The following MAST4 variants were observed in gnomAD, a reference collection of about 807,000 sequenced individuals.
MAST4 encodes the protein microtubule-associated serine/threonine-protein kinase 4.
A neutral mutation model predicts 162.7 loss-of-function variants in MAST4; 89 were observed. The observed-to-expected ratio is 0.55, with a 90% CI of 0.46 to 0.65. MAST4 has a LOEUF of 0.65. MAST4 is among the 30% of genes least tolerant of loss of function. The probability of loss-of-function intolerance (pLI) is 0.00; values close to 1 mark genes in which losing one functional copy is unlikely to be tolerated. For synonymous variants in MAST4, 1,479 were observed against 1,361.1 expected, an observed-to-expected ratio of 1.09 and a Z score of -1.91; for missense variants, 3,153 against 3,374.0, an observed-to-expected ratio of 0.93 and a Z score of 1.62.
chr5:66,627,144 AG>A (rs1224148259), intron 1 of MAST4, among the ~76,000 whole-genome samples: 2 of 152,138 alleles, frequency 1.3e-5, no homozygotes, highest in East Asian at 3.9e-4. Flanking sequence ...TTTGGGCGGA[AG>A]GGGAAGCAAA....
At chr5:66,772,024 G>T (rs1369092275) in intron 2 of MAST4, among the ~76,000 whole-genome samples, 3 of 152,198 alleles carry the variant, frequency 2.0e-5, no homozygotes, top group East Asian at 3.8e-4. Flanking sequence ...CAGAGATGAA[G>T]TGGCTTTAGC....
At chr5:66,874,132 A>G (rs1478358722) in intron 3 of MAST4, among the ~76,000 whole-genome samples, 3 of 152,192 alleles carry the variant, frequency 2.0e-5, no homozygotes. Context: ...TGATTGGCTA[A>G]GCTTGTCTGC....
At chr5:66,700,029 C>T (rs1749665175) in intron 1 of MAST4, among the ~76,000 whole-genome samples, 1 of 113,300 alleles carries the variant, frequency 8.8e-6, no homozygotes, top group Non-Finnish European at 1.8e-5. Context: ...AAACTAGCTG[C>T]ATGGTTGCTA....
At chr5:66,905,150 T>C (rs575078772) in intron 4 of MAST4, among the ~76,000 whole-genome samples, 1 of 151,114 alleles carries the variant, frequency 6.6e-6, no homozygotes, top group Non-Finnish European at 1.5e-5. Flanking sequence ...TACTGAAAAA[T>C]ACAAAAATTA....
intron 14 of MAST4, among the ~76,000 whole-genome samples, chr5:67,126,014 A>T (rs1000989658): frequency 3.3e-5 from 5 of 151,920 alleles, no homozygotes; most frequent in Non-Finnish European, 5.9e-5. Flanking sequence ...GCTTTTTTTC[A>T]TATGTTTGTT....
At chr5:66,980,166 C>T (rs1748611279) in intron 4 of MAST4, among the ~76,000 whole-genome samples, 1 of 152,166 alleles carries the variant, frequency 6.6e-6, no homozygotes. Flanking sequence ...CTTGCGGTGG[C>T]TGAGATGTAC....
intron 7 of MAST4, among the ~76,000 whole-genome samples, chr5:67,097,459 C>T (rs1402494453): frequency 1.3e-5 from 2 of 151,920 alleles, no homozygotes; most frequent in African/African-American, 2.4e-5. Context: ...AGTCAGAATA[C>T]GGTAAGCAGT....
At position 67,164,370 on chromosome 5, in the gene MAST4, G is replaced by C. The variant is rs768545687; in HGVS notation, c.5191G>C (p.Glu1731Gln). 9 of 1,613,982 alleles carry C rather than the reference G, an allele frequency of 5.6e-6. No homozygotes were observed. The highest frequency in any genetic ancestry group is 7.6e-6 in the Non-Finnish European group (9 of 1,179,884). The part of the protein sequence containing the change: ...NPVRPTGGQQ[E>Q]PPPASESRAF... Reference sequence around the variant, plus strand: ...AGTCCGACCCACGGGTGGGCAGCAGGAGCCCCCGCCGGCTTCTGAGAGCCG... The same window carrying C: ...AGTCCGACCCACGGGTGGGCAGCAGCAGCCCCCGCCGGCTTCTGAGAGCCG... The change falls in exon 29 of 29, where the codon GAG (glutamate) becomes CAG (glutamine). Residue 1731 changes from glutamate to glutamine, a missense_variant. Glu to Gln is a conservative substitution (Grantham distance 29). This residue lies in a region of MAST4 where 1,644 missense variants were observed against 1,495.0 expected (regional missense o/e 1.10). Transcript: ENST00000403625. This position sits in a 1 kb window ranked among gnomAD's most constrained non-coding sequence, Gnocchi z 5.3.
At chr5:67,065,000 C>T (rs1760058161) in intron 5 of MAST4, among the ~76,000 whole-genome samples, 1 of 152,118 alleles carries the variant, frequency 6.6e-6, no homozygotes. Flanking sequence ...AGATTTAAAT[C>T]TGGTGCAGCA....
intron 4 of MAST4, among the ~76,000 whole-genome samples, chr5:66,945,352 G>A (rs1743895140): frequency 6.6e-6 from 1 of 152,030 alleles, no homozygotes; most frequent in Admixed American, 6.5e-5. Context: ...CACATTCCGG[G>A]GTTGTTTAAA....
chr5:66,913,332 T>G (rs1028864253), intron 4 of MAST4, among the ~76,000 whole-genome samples: 1 of 152,100 alleles, frequency 6.6e-6, no homozygotes, highest in Non-Finnish European at 1.5e-5. Context: ...CCCTAAAAAT[T>G]AGTTTACATT....
chr5:66,694,894 G>A (rs1415558169), intron 1 of MAST4, among the ~76,000 whole-genome samples: 1 of 152,044 alleles, frequency 6.6e-6, no homozygotes, highest in Admixed American at 6.6e-5. Flanking sequence ...GTAAATTTAA[G>A]TTCCTTGTAG....
intron 14 of MAST4, among the ~76,000 whole-genome samples, chr5:67,122,586 C>T (rs1767715638): frequency 6.6e-6 from 1 of 152,104 alleles, no homozygotes; most frequent in Non-Finnish European, 1.5e-5. Context: ...TGGAAATGAC[C>T]TGAAGATTTC....
intron 3 of MAST4, among the ~76,000 whole-genome samples, chr5:66,872,655 A>G (rs1761024821): frequency 1.3e-5 from 2 of 152,192 alleles, no homozygotes; most frequent in South Asian, 2.1e-4. Flanking sequence ...CTGTTGGTAC[A>G]TGAAGGAAAA....
chr5:66,739,492 C>G (rs1752358240), intron 1 of MAST4, among the ~76,000 whole-genome samples: 1 of 152,154 alleles, frequency 6.6e-6, no homozygotes, highest in Non-Finnish European at 1.5e-5. Flanking sequence ...TAGAAATAGC[C>G]AGACCTCCTC....
At position 66,811,322 on chromosome 5, in the gene MAST4, T is replaced by C. The variant is rs112170396; in HGVS notation, c.642+22528T>C. ...GTAATATATTACTCTGCAACAGCACTCTGCTTTTTGTTTTTAATGACACCA... is the reference window on the plus strand; with the variant it reads ...GTAATATATTACTCTGCAACAGCACCCTGCTTTTTGTTTTTAATGACACCA... On this transcript the variant is annotated intron_variant, in intron 3 of 28. Transcript: ENST00000403625. Among the ~76,000 whole-genome samples, 932 of 152,330 alleles carry C rather than the reference T, an allele frequency of 6.1e-3. 12 individuals are homozygous for C. Among genetic ancestry groups the C allele is most frequent in the African/African-American group, 0.022 (902 of 41,580 alleles).
intron 6 of MAST4, among the ~76,000 whole-genome samples, chr5:67,093,887 A>G (rs1412919248): frequency 6.6e-6 from 1 of 152,194 alleles, no homozygotes; most frequent in Non-Finnish European, 1.5e-5. Context: ...GGTGTTTAAA[A>G]TATATAGTGC....
rs1418967961 is a variant in MAST4, at chr5:66,925,847, C to T, written c.674+25865C>T. 2.0e-5 allele frequency among the ~76,000 whole-genome samples: 3 copies of T among 152,242 alleles called. No individual in the cohort carries two copies. The South Asian group carries it at 6.2e-4, about 32-fold the overall frequency. The stretch of plus-strand genomic sequence containing the variant: ...TGATCAAGTAATTATTGAATTCCTA[C>T]ATTAAATTGCTCCAACTTTTAATAA... On this transcript the variant is annotated intron_variant, in intron 4 of 28. Transcript: ENST00000403625.
intron 3 of MAST4, among the ~76,000 whole-genome samples, chr5:66,829,275 A>G (rs372940415): frequency 6.6e-6 from 1 of 151,076 alleles, no homozygotes. Flanking sequence ...GTCGGGATCA[A>G]CCTCCGCTCG....
Sources: gnomAD v4.1 joint callset for allele counts (sites outside exome capture counted in the v4.1 genomes callset) on GRCh38, gnomAD v4.1.1 for gene constraint, gnomAD v4.1.1 regional missense constraint, Gnocchi (gnomAD v3.1) non-coding constraint, MANE v1.5 for transcripts, NCBI Gene and HGNC (gene_info 2026-07-23, HGNC 2026-07-21) for gene names.